ADRA1B: variants seen among roughly 807,000 people sequenced by gnomAD.
The protein encoded by ADRA1B is alpha-1B adrenergic receptor.
Under a neutral mutation model 17.9 loss-of-function variants are expected in ADRA1B, and 17 were observed. That is an observed-to-expected ratio of 0.95 (90% confidence interval 0.65 to 1.42). The LOEUF is 1.42. Among genes scored for constraint, ADRA1B ranks in the 40% most tolerant of loss-of-function variants. The probability of loss-of-function intolerance (pLI) is 0.00; values close to 1 mark genes in which losing one functional copy is unlikely to be tolerated. For synonymous variants in ADRA1B, 366 were observed against 327.6 expected (o/e 1.12, Z -1.27); for missense variants, 681 against 722.1 (o/e 0.94, Z 0.65).
At chr5:159,945,735 G>A (rs1242974863) in intron 1 of ADRA1B, among the ~76,000 whole-genome samples, 1 of 149,226 alleles carries the variant, frequency 6.7e-6, no homozygotes, top group Non-Finnish European at 1.5e-5. Flanking sequence ...ATTTCTGGTG[G>A]GTTTTTTTGT....
intron 1 of ADRA1B, chr5:159,867,044 G>A (rs1406952366): frequency 6.6e-6 from 1 of 152,206 alleles, no homozygotes; most frequent in East Asian, 1.9e-4. Context: ...ACCTGGCACA[G>A]AGTCTGGCAT....
intron 1 of ADRA1B, among the ~76,000 whole-genome samples, chr5:159,878,239 C>T (rs1363332867): frequency 2.0e-5 from 3 of 152,156 alleles, no homozygotes; most frequent in Admixed American, 6.5e-5. Flanking sequence ...GGCCAGGAGC[C>T]AAGGTAAGGG....
intron 1 of ADRA1B, among the ~76,000 whole-genome samples, chr5:159,965,983 G>T (rs769851263): frequency 6.6e-6 from 1 of 152,000 alleles, no homozygotes. Flanking sequence ...CCATGTTGGC[G>T]AGGCTGGTCT....
intron 1 of ADRA1B, among the ~76,000 whole-genome samples, chr5:159,874,021 T>A (rs1248338734): frequency 6.6e-6 from 1 of 152,196 alleles, no homozygotes; most frequent in African/African-American, 2.4e-5. Flanking sequence ...CTTGATAGTG[T>A]CTTCATACTG....
At chr5:159,974,562 G>A (rs1755943095), downstream of ADRA1B, among the ~76,000 whole-genome samples, 1 of 151,792 alleles carries the variant, frequency 6.6e-6, no homozygotes, top group Non-Finnish European at 1.5e-5. Context: ...CTTGAACCCA[G>A]GGGGCGGAGG....
intron 1 of ADRA1B, among the ~76,000 whole-genome samples, chr5:159,908,222 C>T (rs2113130259): frequency 6.6e-6 from 1 of 152,356 alleles, no homozygotes; most frequent in South Asian, 2.1e-4. Context: ...ACTGCCTGTG[C>T]TCTAATCCCA....
upstream of ADRA1B, among the ~76,000 whole-genome samples, chr5:159,912,767 C>T (rs1754241695): frequency 6.6e-6 from 1 of 152,258 alleles, no homozygotes; most frequent in African/African-American, 2.4e-5. Context: ...TCCTCCGTTG[C>T]ATTGTTGTGA....
chr5:159,980,902 T>C, the ADRA1B span, among the ~76,000 whole-genome samples: 6 of 151,938 alleles, frequency 3.9e-5, no homozygotes. Flanking sequence ...TCAACTCTCC[T>C]GAGATAAGTA....
Position 159,930,352 on chromosome 5 carries a change from G to A in ADRA1B, c.949+12498G>A, listed in dbSNP as rs569012735. 4.6e-5 allele frequency among the ~76,000 whole-genome samples: 7 copies of A among 152,342 alleles called. No individual in the cohort carries two copies. In the South Asian group the frequency reaches 1.2e-3, roughly 27 times the overall value. ...GGTGTTAAAACAAATAGGTTAGGCC[G>A]GGCGCGGTGGCTCATGCCTGTAATC... is the stretch of plus-strand genomic sequence containing the variant. On this transcript the variant is annotated intron_variant, in intron 1 of 1. Coordinates refer to ENST00000306675, the MANE Select transcript of ADRA1B (RefSeq NM_000679.4).
At chr5:159,896,211 A>G (rs1434887817) in intron 1 of ADRA1B, among the ~76,000 whole-genome samples, 6 of 152,254 alleles carry the variant, frequency 3.9e-5, no homozygotes, top group Admixed American at 3.9e-4. Context: ...TCTAGTTTCT[A>G]GAATTCAAAA....
intron 1 of ADRA1B, among the ~76,000 whole-genome samples, chr5:159,897,379 G>C (rs1486299663): frequency 1.3e-5 from 2 of 152,040 alleles, no homozygotes; most frequent in Non-Finnish European, 2.9e-5. Flanking sequence ...CCAGCTACTC[G>C]GGAGGCTGAG....
At chr5:159,895,193 T>A (rs1385165887) in intron 1 of ADRA1B, among the ~76,000 whole-genome samples, 1 of 152,222 alleles carries the variant, frequency 6.6e-6, no homozygotes, top group African/African-American at 2.4e-5. Context: ...TGGAGCCTGA[T>A]GCTCTTCCTC....
intron 1 of ADRA1B, among the ~76,000 whole-genome samples, chr5:159,887,644 TG>T (rs2113098099): frequency 6.6e-6 from 1 of 152,360 alleles, no homozygotes; most frequent in East Asian, 1.9e-4. Flanking sequence ...CATATTTGGT[TG>T]GTTTTGGAAA....
chr5:159,921,891 T>G (rs17455628), intron 1 of ADRA1B, among the ~76,000 whole-genome samples: 9,123 of 152,266 alleles, frequency 0.06, 297 homozygotes, highest in East Asian at 0.14. Flanking sequence ...CACACATTAA[T>G]CTTCCAGCTC....
chr5:159,941,263 T>C (rs11741191), intron 1 of ADRA1B, among the ~76,000 whole-genome samples: 19,869 of 152,284 alleles, frequency 0.13, 1,496 homozygotes, highest in Non-Finnish European at 0.16. Flanking sequence ...CATATTGGAC[T>C]GCACAGATTT....
chr5:159,881,299 TTCTC>T (rs11471058), intron 1 of ADRA1B, among the ~76,000 whole-genome samples: 14,724 of 131,802 alleles, frequency 0.11, 1,413 homozygotes, highest in African/African-American at 0.23. Context: ...TATCAGAAAG[TTCTC>T]TCTCTCTCTC....
chr5:159,908,631 CT>C (rs1183882823), intron 1 of ADRA1B, among the ~76,000 whole-genome samples: 1 of 152,192 alleles, frequency 6.6e-6, no homozygotes, highest in African/African-American at 2.4e-5. Flanking sequence ...CCCAATAAGC[CT>C]TTCTTCTTTA....
At chr5:159,950,806 C>A in intron 1 of ADRA1B, 2 of 595,716 alleles carry the variant, frequency 3.4e-6, no homozygotes, top group Non-Finnish European at 6.2e-6. Context: ...GACACAGAAG[C>A]CCATGTCAGT....
chr5:159,926,892 T>TATTAA (rs201325586), intron 1 of ADRA1B, among the ~76,000 whole-genome samples: 6 of 151,942 alleles, frequency 3.9e-5, no homozygotes, highest in East Asian at 3.9e-4. Context: ...GTCTCAAAAA[T>TATTAA]ATTAAATTAA....
Sources: gnomAD v4.1 joint callset for allele counts (sites outside exome capture counted in the v4.1 genomes callset) on GRCh38, gnomAD v4.1.1 for gene constraint, MANE v1.5 for transcripts, NCBI Gene and HGNC (gene_info 2026-07-23, HGNC 2026-07-21) for gene names.